The following CTDP1 variants were observed in gnomAD, a reference collection of about 807,000 sequenced individuals.
The protein encoded by CTDP1 is CTD phosphatase 1.
Under a neutral mutation model 91.8 loss-of-function variants are expected in CTDP1, and 47 were observed. That is an observed-to-expected ratio of 0.51 (90% CI 0.41 to 0.65). The LOEUF (loss-of-function observed/expected upper bound fraction) is 0.65. Ranked by LOEUF, CTDP1 falls within the 30% of genes least tolerant of loss-of-function variation. The probability of loss-of-function intolerance (pLI) is 0.00; values close to 1 mark genes in which losing one functional copy is unlikely to be tolerated. For synonymous variants in CTDP1, 656 were observed against 598.5 expected (o/e 1.10, Z -1.40); for missense variants, 1,272 against 1,373.7 (o/e 0.93, Z 1.17).
chr18:79,752,030 C>T (rs562172942), intron 12 of CTDP1, among the ~76,000 whole-genome samples: 5 of 152,272 alleles, frequency 3.3e-5, no homozygotes, highest in African/African-American at 1.2e-4. Flanking sequence ...GGTTCCTTGG[C>T]GCAGTGGGAC....
rs548066474 is a variant in CTDP1, at chr18:79,698,108, A to G, written c.621+120A>G. On this transcript the variant is annotated intron_variant, in intron 4 of 12. Transcript: ENST00000613122. ...CCCGTAGGTCAGCCTGGGTTTGGAA[A>G]GCAGACTTGCTAGTTCTGGGCGTGG... The G allele has an allele frequency of 1.7e-5, 24 of 1,433,998 alleles. No homozygotes were observed. The Admixed American group carries it at 4.3e-4, about 26-fold the overall frequency. The allele number at this position is 1,433,998 out of a possible 1,614,324, so 88.8% of individuals were successfully genotyped here. A position where few individuals can be genotyped will look rare whatever the true frequency, so the allele number is the denominator to read the frequency against.
At chr18:79,730,630 T>C (rs1355546503) in intron 11 of CTDP1, among the ~76,000 whole-genome samples, 2 of 152,224 alleles carry the variant, frequency 1.3e-5, no homozygotes, top group African/African-American at 2.4e-5. Flanking sequence ...AGCCGTGGAT[T>C]GTTCTGTGCA....
Position 79,738,786 on chromosome 18 carries a change from G to C in CTDP1, c.2747+2265G>C, listed in dbSNP as rs143280798. ...GCTCTGTGGTTTAGCAGGGAAATGA[G>C]TGCAGCTTCTCTCCTGGCAACCCAC... On this transcript the variant is annotated intron_variant, in intron 12 of 12. Transcript: ENST00000613122. Among the ~76,000 whole-genome samples, 393 of 152,368 alleles carry C rather than the reference G, an allele frequency of 2.6e-3. 1 individual carries two copies. Among genetic ancestry groups the C allele is most frequent in the Non-Finnish European group, 4.0e-3 (271 of 68,030 alleles).
At chr18:79,705,531 T>G (rs2085949526) in intron 5 of CTDP1, among the ~76,000 whole-genome samples, 1 of 151,566 alleles carries the variant, frequency 6.6e-6, no homozygotes, top group South Asian at 2.1e-4. Context: ...AGCGACCGTC[T>G]GTTCCACGTG....
chr18:79,710,861 G>A (rs540127582), intron 6 of CTDP1, among the ~76,000 whole-genome samples: 7 of 152,044 alleles, frequency 4.6e-5, no homozygotes, highest in South Asian at 4.2e-4. Flanking sequence ...CAGTATTTCT[G>A]TATTGATGTT....
At position 79,753,737 on chromosome 18, in the gene CTDP1, G is replaced by A. The variant is rs1599334075; in HGVS notation, c.2833G>A (p.Glu945Lys). Reference protein sequence around the residue: ...SSNEDEGSSSEADEMAKALEA... With the variant: ...SSNEDEGSSSKADEMAKALEA... ...CAACGAGGATGAGGGCAGCAGCTCC[G>A]AGGCCGACGAGATGGCCAAGGCGCT... The change falls in exon 13 of 13, where the codon GAG (glutamate) becomes AAG (lysine). Residue 945 changes from glutamate (E) to lysine (K), a missense_variant. This residue lies in a region of CTDP1 where 881 missense variants were observed against 911.6 expected (regional missense o/e 0.97). Transcript: ENST00000613122. The A allele has an allele frequency of 1.2e-6, 2 of 1,613,910 alleles. No individual in the cohort carries two copies. Among genetic ancestry groups the A allele is most frequent in the South Asian group, 1.1e-5 (1 of 91,090 alleles).
chr18:79,739,126 G>A (rs920083571), intron 12 of CTDP1, among the ~76,000 whole-genome samples: 3 of 152,222 alleles, frequency 2.0e-5, no homozygotes, highest in Non-Finnish European at 2.9e-5. Context: ...TCTGTCTGCC[G>A]TGGCCATGTT....
chr18:79,717,846 T>C lies in CTDP1; in HGVS notation c.2247T>C (p.Gly749=), dbSNP rs761288857. ...NSPAAFPDRE[G]VPPTALFHPM... ...CTGCGGCCTTTCCCGACCGGGAGGG[T>C]GTGCCCCCCACCGCCTTGTTCCACC... The change falls in exon 10 of 13, where the codon GGT becomes GGC. Residue 749 remains glycine, a synonymous_variant. Transcript: ENST00000613122. The C allele has an allele frequency of 1.8e-5, 29 of 1,613,262 alleles. No homozygotes were observed. Among genetic ancestry groups the C allele is most frequent in the Non-Finnish European group, 2.4e-5 (28 of 1,179,952 alleles).
rs535029110 is a variant in CTDP1 at position 79,754,122 on chromosome 18, A to G, written c.*332A>G. 35 of 395,548 alleles carry G rather than the reference A, an allele frequency of 8.8e-5. No individual in the cohort carries two copies. Among genetic ancestry groups the G allele is most frequent in the Admixed American group, 8.2e-4 (22 of 26,972 alleles). The allele number at this position is 395,548 out of a possible 1,614,324, so 24.5% of individuals were successfully genotyped here. On this transcript the variant is annotated 3_prime_UTR_variant, in exon 13 of 13. Transcript: ENST00000613122. ...GTTTTCCCCTTGTGTACCAGAGCACATTCCTTAGGGGACGGCTTTGGGGGT... is the reference window on the plus strand; with the variant it reads ...GTTTTCCCCTTGTGTACCAGAGCACGTTCCTTAGGGGACGGCTTTGGGGGT...
At chr18:79,714,376 G>A in intron 7 of CTDP1, 115 bp from the exon 8 acceptor site, 1 of 1,231,294 alleles carries the variant, frequency 8.1e-7, no homozygotes, top group Non-Finnish European at 1.2e-6. Context: ...GCCAAGGCCT[G>A]GTCTAGAGGG....
intron 1 of CTDP1, chr18:79,681,470 C>T: frequency 1.0e-6 from 1 of 985,440 alleles, no homozygotes; most frequent in Non-Finnish European, 1.2e-6. Flanking sequence ...ACTGAGGTTT[C>T]ATTCTGTTCC....
At chr18:79,704,670 G>C (rs981469374) in intron 4 of CTDP1, 97 bp from the exon 5 acceptor site, 37 of 1,505,446 alleles carry the variant, frequency 2.5e-5, no homozygotes, top group Non-Finnish European at 3.0e-5. Flanking sequence ...TGGGGCACAC[G>C]TGTGTTCTCA....
At chr18:79,721,577 A>T (rs1288104801) in intron 10 of CTDP1, among the ~76,000 whole-genome samples, 1 of 152,214 alleles carries the variant, frequency 6.6e-6, no homozygotes, top group African/African-American at 2.4e-5. Flanking sequence ...CCTGTTCTTT[A>T]GACGCTGCTT....
rs576931968 is a variant in CTDP1, at chr18:79,740,818, C to T, written c.2747+4297C>T. Among the ~76,000 whole-genome samples the T allele has an allele frequency of 5.9e-5, 9 of 152,288 alleles. No homozygotes were observed. The South Asian group carries it at 1.2e-3, about 21-fold the overall frequency. On this transcript the variant is annotated intron_variant, in intron 12 of 12. Transcript: ENST00000613122. Reference sequence around the variant, plus strand: ...GCCTGTTCTATATGCAGCCGCCTGCCGGGCACTTTCACTCCTTAAAATAAA... The same window carrying T: ...GCCTGTTCTATATGCAGCCGCCTGCTGGGCACTTTCACTCCTTAAAATAAA...
intron 10 of CTDP1, among the ~76,000 whole-genome samples, chr18:79,727,558 A>G (rs973117449): frequency 5.3e-5 from 8 of 152,150 alleles, no homozygotes; most frequent in African/African-American, 1.9e-4. Context: ...TGAAGAGTGG[A>G]CTTTGACAAG....
chr18:79,678,250 C>G (rs919410775), upstream of CTDP1: 9 of 152,270 alleles, frequency 5.9e-5, no homozygotes, highest in African/African-American at 2.2e-4. Flanking sequence ...TCGCGCCCTA[C>G]TACCCCTTGA....
At chr18:79,682,419 A>G (rs918121196) in intron 1 of CTDP1, among the ~76,000 whole-genome samples, 2 of 152,214 alleles carry the variant, frequency 1.3e-5, no homozygotes, top group African/African-American at 4.8e-5. Flanking sequence ...ACGTCTCTCC[A>G]TAGAGAGTTG....
intron 11 of CTDP1, chr18:79,735,578 T>A (rs1353554755): frequency 6.6e-6 from 1 of 152,434 alleles, no homozygotes; most frequent in African/African-American, 2.4e-5. Flanking sequence ...TTCTCCCATC[T>A]CCGTGCAGTT....
Position 79,736,362 on chromosome 18 carries a change from A to T in CTDP1, c.2588A>T (p.Asp863Val), listed in dbSNP as rs192146959. The T allele has an allele frequency of 6.5e-7, 1 of 1,549,156 alleles. No individual in the cohort carries two copies. Among genetic ancestry groups the T allele is most frequent in the East Asian group, 2.4e-5 (1 of 40,922 alleles). The change falls in exon 12 of 13, where the codon GAC becomes GTC. Residue 863 changes from aspartate (D) to valine (V), a missense_variant. Coordinates refer to ENST00000613122, the MANE Select transcript of CTDP1 (RefSeq NM_004715.5). ...DLESMDKEVD[D>V]ILGEGSDDSD... ...CTCTTGGCTGTTTGTCAGGTGGACG[A>T]CATCCTTGGAGAAGGCAGCGACGAC...
Sources: gnomAD v4.1 joint callset for allele counts (sites outside exome capture counted in the v4.1 genomes callset) on GRCh38, gnomAD v4.1.1 for gene constraint, gnomAD v4.1.1 regional missense constraint, MANE v1.5 for transcripts, NCBI Gene and HGNC (gene_info 2026-07-23, HGNC 2026-07-21) for gene names.